Variants in PGBD5 observed in about 807,000 individuals in gnomAD.
PGBD5 encodes piggyBac transposable element derived 5.
Under a neutral mutation model 47.9 loss-of-function variants are expected in PGBD5, and 14 were observed. The ratio of observed to expected loss-of-function variants is 0.29; its 90% CI spans 0.19 to 0.46. The LOEUF (loss-of-function observed/expected upper bound fraction) is 0.46. Ranked by LOEUF, PGBD5 falls within the 20% of genes least tolerant of loss-of-function variation. PGBD5 has a pLI of 1.00. For synonymous variants in PGBD5, 316 were observed against 306.3 expected, an observed-to-expected ratio of 1.03 and a Z score of -0.33; for missense variants, 635 against 716.0, an observed-to-expected ratio of 0.89 and a Z score of 1.29.
At chr1:230,346,733 G>A (rs1428255278) in intron 3 of PGBD5, among the ~76,000 whole-genome samples, 1 of 152,110 alleles carries the variant, frequency 6.6e-6, no homozygotes. Flanking sequence ...TGACTCTGGG[G>A]GTGTTTCTTA....
rs1382317414 is a variant in PGBD5, at chr1:230,426,248, A to G, written c.-320T>C. The G allele has an allele frequency of 6.1e-5, 9 of 147,388 alleles. No homozygotes were observed. Among genetic ancestry groups the G allele is most frequent in the South Asian group, 5.5e-4 (3 of 5,496 alleles). The allele number at this position is 147,388 out of a possible 1,614,324, so 9.1% of individuals were successfully genotyped here. On this transcript the variant is annotated 5_prime_UTR_variant, in exon 1 of 7. Coordinates refer to ENST00000391860, the MANE Select transcript of PGBD5 (RefSeq NM_001258311.2). ...CGCCGCCGCCGCCACCGCCGCCACC[A>G]CCGCCACCACCGCCGCCGCTGCGTC...
At chr1:230,342,164 G>A (rs1383847430) in intron 3 of PGBD5, among the ~76,000 whole-genome samples, 1 of 152,156 alleles carries the variant, frequency 6.6e-6, no homozygotes, top group South Asian at 2.1e-4. Flanking sequence ...GAACAGTAAG[G>A]CTAGTGGCAG....
chr1:230,398,591 C>G (rs1657056576), intron 1 of PGBD5, among the ~76,000 whole-genome samples: 1 of 152,186 alleles, frequency 6.6e-6, no homozygotes, highest in Admixed American at 6.5e-5. Flanking sequence ...TGCTGTTCAG[C>G]AGAACTAGAC....
chr1:230,336,690 C>T (rs1262598729), intron 4 of PGBD5, among the ~76,000 whole-genome samples: 1 of 152,208 alleles, frequency 6.6e-6, no homozygotes, highest in Non-Finnish European at 1.5e-5. Context: ...CTGTTGTTCC[C>T]TGTCTTCACA....
intron 2 of PGBD5, among the ~76,000 whole-genome samples, chr1:230,353,734 G>A (rs1667593584): frequency 6.6e-6 from 1 of 152,190 alleles, no homozygotes; most frequent in African/African-American, 2.4e-5. Context: ...TCTGCAGGCA[G>A]AGACAATGAC....
rs925575013 is a variant in PGBD5 at position 230,425,566 on chromosome 1, C to T, written c.331+32G>A. ...TCCCCCGCGCCCGGTTCCAGCGCCG[C>T]CCCCGACATCCACCCGCGGGCAGCC... On this transcript the variant is annotated intron_variant, in intron 1 of 6. Transcript: ENST00000391860. This position sits in a 1 kb window ranked among gnomAD's most constrained non-coding sequence, Gnocchi z 4.7. The T allele has an allele frequency of 5.8e-6, 7 of 1,216,310 alleles. No homozygotes were observed. Among genetic ancestry groups the T allele is most frequent in the African/African-American group, 1.6e-5 (1 of 63,700 alleles). The allele number at this position is 1,216,310 out of a possible 1,614,324, so 75.3% of individuals were successfully genotyped here. A position where few individuals can be genotyped will look rare whatever the true frequency, so the allele number is the denominator to read the frequency against.
intron 1 of PGBD5, among the ~76,000 whole-genome samples, chr1:230,405,899 G>C (rs922845041): frequency 6.6e-6 from 1 of 152,218 alleles, no homozygotes; most frequent in Admixed American, 6.5e-5. Flanking sequence ...GCATCTCAGT[G>C]ATATGCACAA....
Position 230,325,351 on chromosome 1 carries a change from A to G in PGBD5, c.1338T>C (p.Ala446=), listed in dbSNP as rs756805933. ...CGTATCTGCAGATGTAGCTCAGGTG[A>G]GCGGCAAACGCCTCCACGGCCAAGG... ...PCPLAVEAFA[A]HLSYICRYDD... Residue 446 remains alanine (A), a synonymous_variant, in exon 6 of 7, where the codon GCT becomes GCC. Transcript: ENST00000391860. The G allele has an allele frequency of 5.6e-6, 9 of 1,613,786 alleles. No homozygotes were observed. The South Asian group carries it at 9.9e-5, about 18-fold the overall frequency.
intron 1 of PGBD5, among the ~76,000 whole-genome samples, chr1:230,413,227 C>T (rs1022695692): frequency 6.6e-6 from 1 of 152,138 alleles, no homozygotes; most frequent in Admixed American, 6.5e-5. Flanking sequence ...GGTGGCATGC[C>T]GCTCAGAACT....
intron 1 of PGBD5, among the ~76,000 whole-genome samples, chr1:230,364,104 T>C (rs1464951750): frequency 6.6e-6 from 1 of 152,210 alleles, no homozygotes; most frequent in Non-Finnish European, 1.5e-5. Flanking sequence ...ACTTTTTCCC[T>C]TGCTCAATCT....
intron 1 of PGBD5, among the ~76,000 whole-genome samples, chr1:230,410,932 G>A (rs1411605770): frequency 6.6e-6 from 1 of 152,092 alleles, no homozygotes; most frequent in Non-Finnish European, 1.5e-5. Flanking sequence ...TAAAGAAAAG[G>A]TGAGTGTGGT....
intron 1 of PGBD5, among the ~76,000 whole-genome samples, chr1:230,360,789 T>C (rs926628394): frequency 3.3e-5 from 5 of 152,202 alleles, no homozygotes; most frequent in Admixed American, 3.3e-4. Context: ...CAGTTAGTCC[T>C]TATCAACAAC....
intron 3 of PGBD5, among the ~76,000 whole-genome samples, chr1:230,348,344 A>T (rs1174105299): frequency 6.6e-6 from 1 of 152,214 alleles, no homozygotes; most frequent in Non-Finnish European, 1.5e-5. Context: ...TAAATGCAAG[A>T]GCAGGGGCTG....
At chr1:230,377,373 C>A in intron 1 of PGBD5, 2 of 1,076,892 alleles carry the variant, frequency 1.9e-6, no homozygotes, top group South Asian at 2.8e-5. Flanking sequence ...GAAATGCTGA[C>A]ATCAACACGT....
chr1:230,359,630 G>C (rs1667712410), intron 1 of PGBD5, among the ~76,000 whole-genome samples: 1 of 152,150 alleles, frequency 6.6e-6, no homozygotes, highest in African/African-American at 2.4e-5. Flanking sequence ...TGTAAAAATG[G>C]ACACAGGAAT....
At chr1:230,336,675 T>C (rs980885029) in intron 4 of PGBD5, among the ~76,000 whole-genome samples, 1 of 152,188 alleles carries the variant, frequency 6.6e-6, no homozygotes, top group African/African-American at 2.4e-5. Context: ...CTGAGGCTCA[T>C]TGTACTGTTG....
intron 1 of PGBD5, among the ~76,000 whole-genome samples, chr1:230,395,179 A>G (rs1198435338): frequency 5.2e-3 from 30 of 5,764 alleles, no homozygotes; most frequent in South Asian, 0.012. Flanking sequence ...CTCTCCTCAC[A>G]CTCCTCCCCA....
At chr1:230,372,932 T>C (rs1435526185) in intron 1 of PGBD5, among the ~76,000 whole-genome samples, 1 of 152,042 alleles carries the variant, frequency 6.6e-6, no homozygotes, top group African/African-American at 2.4e-5. Context: ...TATCACCTCC[T>C]CCCAGTCTAA....
chr1:230,404,886 T>TTGTGCCAAGATTGAGCCAAGATTG (rs1657262456), intron 1 of PGBD5, among the ~76,000 whole-genome samples: 1 of 143,544 alleles, frequency 7.0e-6, no homozygotes, highest in Admixed American at 7.4e-5. Flanking sequence ...GATTGTGCCA[T>TTGTGCCAAGATTGAGCCAAGATTG]TGCACTCTAG....
Sources: allele counts gnomAD v4.1 joint callset (sites outside exome capture counted in the v4.1 genomes callset), GRCh38; gene constraint gnomAD v4.1.1; non-coding constraint Gnocchi (gnomAD v3.1); transcripts MANE v1.5; gene names NCBI Gene and HGNC (gene_info 2026-07-23, HGNC 2026-07-21).